Variants in DAZL observed in about 807,000 individuals in gnomAD.
DAZL encodes the protein deleted in azoospermia-like.
DAZL carries 4 observed loss-of-function variants against 45.0 expected under a neutral mutation model. The ratio of observed to expected loss-of-function variants is 0.09; its 90% confidence interval spans 0.04 to 0.20. The LOEUF is 0.20. DAZL is among the 10% of genes least tolerant of loss of function. The pLI is 1.00. For synonymous variants in DAZL, 122 were observed against 112.4 expected (o/e 1.09, Z -0.54); for missense variants, 326 against 351.3 (o/e 0.93, Z 0.58).
chr3:16,596,600 G>A, intron 6 of DAZL, 150 bp downstream of exon 6: 3 of 865,090 alleles, frequency 3.5e-6, no homozygotes, highest in African/African-American at 1.7e-5. Flanking sequence ...CTAAGAATAA[G>A]AAATTTCTAA....
At chr3:16,604,722 C>T (rs1694748396) in intron 1 of DAZL, 2 of 1,358,466 alleles carry the variant, frequency 1.5e-6, no homozygotes, top group South Asian at 2.0e-5. Context: ...GCAGGCCCGC[C>T]GCCATCTTGC....
chr3:16,588,735 C>T (rs763485106), intron 10 of DAZL, 22 bp from the exon 11 acceptor site: 1 of 1,604,084 alleles, frequency 6.2e-7, no homozygotes, highest in Non-Finnish European at 8.5e-7. Flanking sequence ...AGAAAGAGTC[C>T]TTTTACTTTA....
At chr3:16,594,949 T>A (rs1453364948) in intron 7 of DAZL, among the ~76,000 whole-genome samples, 1 of 152,074 alleles carries the variant, frequency 6.6e-6, no homozygotes, top group Non-Finnish European at 1.5e-5. Flanking sequence ...ACAATTTGAA[T>A]TCTGTGCTCT....
chr3:16,590,391 GAAAAAAAA>G (rs1414283723), intron 10 of DAZL, among the ~76,000 whole-genome samples: 1 of 82,974 alleles, frequency 1.2e-5, no homozygotes, highest in Non-Finnish European at 2.3e-5. Context: ...ATTCACAGAT[GAAAAAAAA>G]GCTAGTCTTT....
chr3:16,592,291 T>G, intron 9 of DAZL, 143 bp from the exon 10 acceptor site: 2 of 1,278,168 alleles, frequency 1.6e-6, no homozygotes, highest in African/African-American at 3.0e-5. Context: ...GAGTGGTGGC[T>G]CACGCCTGTA....
chr3:16,597,188 T>C (rs1243656097), intron 4 of DAZL, 137 bp from the exon 5 acceptor site: 1 of 1,153,092 alleles, frequency 8.7e-7, no homozygotes, highest in Non-Finnish European at 1.2e-6. Flanking sequence ...TTAAAATTTG[T>C]CATCATGAAG....
intron 6 of DAZL, 139 bp downstream of exon 6, chr3:16,596,608 TAAC>T: frequency 2.2e-6 from 2 of 906,232 alleles, no homozygotes; most frequent in East Asian, 5.1e-5. Flanking sequence ...AAGAAATTTC[TAAC>T]AAAAGTAATA....
intron 6 of DAZL, 93 bp downstream of exon 6, chr3:16,596,657 C>G (rs1694604452): frequency 7.4e-7 from 1 of 1,344,304 alleles, no homozygotes; most frequent in African/African-American, 1.4e-5. Context: ...AACAGGGATG[C>G]CATTACCACT....
intron 1 of DAZL, chr3:16,604,719 C>T (rs1316132955): frequency 2.9e-6 from 4 of 1,359,336 alleles, no homozygotes; most frequent in South Asian, 2.0e-5. Flanking sequence ...TCAGCAGGCC[C>T]GCCGCCATCT....
intron 1 of DAZL, chr3:16,604,816 G>T (rs918923070): frequency 4.3e-6 from 5 of 1,163,988 alleles, no homozygotes; most frequent in East Asian, 5.8e-5. Context: ...GCGCGTGAGT[G>T]GGGGAGCGCG....
At chr3:16,601,766 T>A in intron 1 of DAZL, among the ~76,000 whole-genome samples, 1 of 151,972 alleles carries the variant, frequency 6.6e-6, no homozygotes, top group East Asian at 1.9e-4. Flanking sequence ...AGTAAACGGG[T>A]GAGCTTCAAG....
At position 16,592,070 on chromosome 3, in the gene DAZL, T is replaced by G; in HGVS notation, c.814A>C (p.Thr272Pro). The G allele has an allele frequency of 6.2e-7, 1 of 1,613,522 alleles. No individual in the cohort carries two copies. Among genetic ancestry groups the G allele is most frequent in the Non-Finnish European group, 8.5e-7 (1 of 1,179,544 alleles). Residue 272 changes from threonine (T) to proline (P), a missense_variant, in exon 10 of 11, where the codon ACT (threonine) becomes CCT (proline). Thr to Pro is a conservative substitution (Grantham distance 38, BLOSUM62 -1). Coordinates refer to ENST00000399444, the MANE Select transcript of DAZL (RefSeq NM_001351.4). ...CATACCTTGAAGTAGTCATCTTGAGTAACAACAGAGTTTCTCAGTCTGTTC... is the reference window on the plus strand; with the variant it reads ...CATACCTTGAAGTAGTCATCTTGAGGAACAACAGAGTTTCTCAGTCTGTTC... The part of the protein sequence containing the change: ...PENRLRNSVV[T>P]QDDYFKDKRV...
chr3:16,596,784 G>C lies in DAZL; in HGVS notation c.464C>G (p.Thr155Arg), dbSNP rs777206456. 6.2e-7 allele frequency: 1 copy of C among 1,613,804 alleles called. No individual in the cohort carries two copies. Among genetic ancestry groups the C allele is most frequent in the Admixed American group, 1.7e-5 (1 of 60,026 alleles). ...CTGAGTTATAGGATTCATCGTGGTT[G>C]TGGGCTGCATATAAGTTTCAGTGTT... is the stretch of plus-strand genomic sequence containing the variant. The part of the protein sequence containing the change: ...NPNTETYMQP[T>R]TTMNPITQYV... The change falls in exon 6 of 11, where the codon ACA becomes AGA. Residue 155 changes from threonine to arginine, a missense_variant. By Grantham distance (71) the Thr-to-Arg change is moderately conservative. Transcript: ENST00000399444.
chr3:16,603,785 A>G (rs1694730486), intron 1 of DAZL, among the ~76,000 whole-genome samples: 1 of 152,234 alleles, frequency 6.6e-6, no homozygotes, highest in African/African-American at 2.4e-5. Context: ...TGCAAGTTGT[A>G]AAATAGTATT....
At position 16,590,830 on chromosome 3, in the gene DAZL, G is replaced by A. The variant is rs141008106; in HGVS notation, c.834+1220C>T. ...ACAGGAAAATCCTTAGAGAAAGTAA[G>A]TAAATTAGTGGTTGCCTAGGGCTGC... On this transcript the variant is annotated intron_variant, in intron 10 of 10. Transcript: ENST00000399444. 1.8e-3 allele frequency among the ~76,000 whole-genome samples: 271 copies of A among 151,910 alleles called. 1 individual carries two copies. The highest frequency in any genetic ancestry group is 6.3e-3 in the African/African-American group (260 of 41,428).
chr3:16,588,036 T>C lies in DAZL; in HGVS notation c.*624A>G, dbSNP rs1271207291. The C allele has an allele frequency of 6.4e-6, 1 of 156,588 alleles. No individual in the cohort carries two copies. The highest frequency in any genetic ancestry group is 2.4e-5 in the African/African-American group (1 of 41,516). The allele number at this position is 156,588 out of a possible 1,614,324, so 9.7% of individuals were successfully genotyped here. On this transcript the variant is annotated 3_prime_UTR_variant, in exon 11 of 11. Transcript: ENST00000399444. ...TACTACCCTAATCAAATAGGATATA[T>C]ATGTGTGGATTCTAGCTAAAAGATA...
intron 7 of DAZL, among the ~76,000 whole-genome samples, chr3:16,595,079 A>G (rs547271175): frequency 5.3e-5 from 8 of 152,240 alleles, no homozygotes; most frequent in South Asian, 4.1e-4. Context: ...AGAAGGGGAC[A>G]CCGAATCTCA....
At chr3:16,597,426 A>G (rs754142452) in intron 4 of DAZL, 64 bp downstream of exon 4, 4 of 1,051,176 alleles carry the variant, frequency 3.8e-6, no homozygotes, top group Admixed American at 1.7e-5. Context: ...AAGACTGAGT[A>G]TATCACTTGA....
At chr3:16,604,809 C>T in intron 1 of DAZL, 5 of 1,082,700 alleles carry the variant, frequency 4.6e-6, no homozygotes, top group Non-Finnish European at 6.1e-6. Context: ...GGCGGAGGCG[C>T]GTGAGTGGGG....
Sources: gnomAD v4.1 joint callset for allele counts (sites outside exome capture counted in the v4.1 genomes callset) on GRCh38, gnomAD v4.1.1 for gene constraint, MANE v1.5 for transcripts, NCBI Gene and HGNC (gene_info 2026-07-23, HGNC 2026-07-21) for gene names.